The following FUBP3 variants were observed in gnomAD, a reference collection of about 807,000 sequenced individuals.
The protein encoded by FUBP3 is far upstream element binding protein 3, also known as far upstream element-binding protein 3.
A neutral mutation model predicts 85.6 loss-of-function variants in FUBP3; 28 were observed. The ratio of observed to expected loss-of-function variants is 0.33; its 90% CI spans 0.24 to 0.45. The LOEUF (loss-of-function observed/expected upper bound fraction) is 0.45, where lower values mean the gene tolerates loss of function less well. Among genes scored for constraint, FUBP3 ranks in the 20% least tolerant of loss-of-function variants. The pLI is 1.00. For missense variants in FUBP3, 583 were observed against 755.1 expected (o/e 0.77, Z 2.67); for synonymous variants, 271 against 271.4 (o/e 1.00, Z 0.01).
chr9:130,615,979 TG>T (rs757180259), intron 6 of FUBP3, among the ~76,000 whole-genome samples: 19 of 152,154 alleles, frequency 1.2e-4, no homozygotes, highest in Non-Finnish European at 2.5e-4. Flanking sequence ...GTCTACTCTG[TG>T]AGAAGGGTCA....
Position 130,637,066 on chromosome 9 carries a change from A to T in FUBP3, c.*44A>T. On this transcript the variant is annotated 3_prime_UTR_variant, in exon 19 of 19. Coordinates refer to ENST00000319725, the MANE Select transcript of FUBP3 (RefSeq NM_003934.2). The stretch of plus-strand genomic sequence containing the variant: ...AACTCTCCCCTCAAAATCATTGTCA[A>T]AGAAAACCTATTTGTAACAGAGGTT... The T allele has an allele frequency of 6.5e-7, 1 of 1,547,030 alleles. No homozygotes were observed. Among genetic ancestry groups the T allele is most frequent in the Non-Finnish European group, 8.9e-7 (1 of 1,118,904 alleles).
At chr9:130,603,078 A>G (rs1372407) in intron 2 of FUBP3, among the ~76,000 whole-genome samples, 107,626 of 152,076 alleles carry the variant, frequency 0.71, 39,247 homozygotes, top group East Asian at 0.93. Context: ...TGGGCATGGT[A>G]GCTCACGCCT....
rs1355294135 is a variant in FUBP3, at chr9:130,626,479, A to T, written c.1091A>T (p.Asp364Val). The change falls in exon 12 of 19, where the codon GAT becomes GTT. Residue 364 changes from aspartate to valine, a missense_variant. Physicochemically the swap from Asp to Val is radical, Grantham distance 152. Around this residue, in one of 3 missense-constraint regions of FUBP3, gnomAD observed 404 missense variants for 516.8 expected, o/e 0.78. Transcript: ENST00000319725. ...VQEITYTVPA[D>V]KCGLVIGKGG... is the part of the protein sequence containing the mutation. ...GAGATAACATACACGGTGCCAGCCGATAAGTGTGGCCTCGTCATAGGCAAA... is the reference window on the plus strand; with the variant it reads ...GAGATAACATACACGGTGCCAGCCGTTAAGTGTGGCCTCGTCATAGGCAAA... 1.9e-6 allele frequency: 3 copies of T among 1,614,054 alleles called. No homozygotes were observed. The highest frequency in any genetic ancestry group is 2.7e-5 in the African/African-American group (2 of 74,920).
chr9:130,602,669 C>T (rs1831213624), intron 2 of FUBP3, among the ~76,000 whole-genome samples: 1 of 152,118 alleles, frequency 6.6e-6, no homozygotes, highest in Non-Finnish European at 1.5e-5. Flanking sequence ...AAGACCAAAA[C>T]CTAGTTCCTG....
intron 12 of FUBP3, among the ~76,000 whole-genome samples, chr9:130,627,090 G>A (rs1830008759): frequency 6.6e-6 from 1 of 152,216 alleles, no homozygotes; most frequent in Non-Finnish European, 1.5e-5. Context: ...CCTCATTCAT[G>A]GCTACTGTAG....
intron 16 of FUBP3, 32 bp from the exon 17 acceptor site, chr9:130,634,635 A>G: frequency 6.2e-7 from 1 of 1,600,474 alleles, no homozygotes; most frequent in Non-Finnish European, 8.5e-7. Flanking sequence ...AGGAGCCCGT[A>G]AGGCCTGACT....
chr9:130,589,705 A>ATATATTTTTTTTT (rs1414691549), intron 1 of FUBP3, among the ~76,000 whole-genome samples: 4 of 73,836 alleles, frequency 5.4e-5, no homozygotes, highest in African/African-American at 2.3e-4. Context: ...ATATATATAT[A>ATATATTTTTTTTT]TTTTTTTTTT....
chr9:130,609,825 C>T (rs1184270923), intron 2 of FUBP3, 129 bp from the exon 3 acceptor site: 10 of 727,434 alleles, frequency 1.4e-5, no homozygotes, highest in Non-Finnish European at 2.4e-5. Flanking sequence ...GCCACTGAGC[C>T]TAAATTACTG....
intron 17 of FUBP3, among the ~76,000 whole-genome samples, chr9:130,634,994 C>T (rs1031019337): frequency 6.6e-6 from 1 of 152,142 alleles, no homozygotes; most frequent in Non-Finnish European, 1.5e-5. Flanking sequence ...TGCTGGGCTC[C>T]AAAGGACTTG....
rs1195258190 is a variant in FUBP3, at chr9:130,587,072, GT to G, written c.84+7311del. On this transcript the variant is annotated intron_variant, in intron 1 of 18. Transcript: ENST00000319725. Reference sequence around the variant, plus strand: ...CGTTTTTTGTTTTTTTTTTTTGTTTGTTTGTTTTTTTGAGATGGAGTCTCAC... The same window carrying G: ...CGTTTTTTGTTTTTTTTTTTTGTTTGTTGTTTTTTTGAGATGGAGTCTCAC... Among the ~76,000 whole-genome samples, 471 of 96,370 alleles carry G rather than the reference GT, an allele frequency of 4.9e-3. 6 individuals are homozygous for G. Among genetic ancestry groups the G allele is most frequent in the African/African-American group, 0.02 (444 of 21,894 alleles). 63.2% of individuals were successfully genotyped at this position (96,370 alleles called of 152,430 possible).
intron 2 of FUBP3, among the ~76,000 whole-genome samples, chr9:130,600,121 C>CTCCCTCCCTCCCTCCCTCCT (rs1831081638): frequency 6.7e-6 from 1 of 149,342 alleles, no homozygotes. Context: ...CCCTCCCTCC[C>CTCCCTCCCTCCCTCCCTCCT]TCCCTCTTTC....
chr9:130,579,669 G>C lies in FUBP3; in HGVS notation c.-12G>C. 2 of 1,246,996 alleles carry C rather than the reference G, an allele frequency of 1.6e-6. No homozygotes were observed. Among genetic ancestry groups the C allele is most frequent in the Non-Finnish European group, 2.0e-6 (2 of 994,162 alleles). 77.2% of individuals were successfully genotyped at this position (1,246,996 alleles called of 1,614,324 possible). A position where few individuals can be genotyped will look rare whatever the true frequency, so the allele number is the denominator to read the frequency against. On this transcript the variant is annotated 5_prime_UTR_variant, in exon 1 of 19. Coordinates refer to ENST00000319725, the MANE Select transcript of FUBP3 (RefSeq NM_003934.2). ...GGCGTCGGCGGCGGCGGCGACGGCG[G>C]CGGGGGCGGTAATGGCGGAGCTGGT...
intron 2 of FUBP3, among the ~76,000 whole-genome samples, chr9:130,608,213 G>A (rs569148928): frequency 6.6e-6 from 1 of 152,268 alleles, no homozygotes; most frequent in South Asian, 2.1e-4. Context: ...AGAACCCACG[G>A]TGCGGCCTCA....
intron 2 of FUBP3, among the ~76,000 whole-genome samples, chr9:130,595,971 C>T (rs1028259619): frequency 6.6e-6 from 1 of 152,238 alleles, no homozygotes; most frequent in Non-Finnish European, 1.5e-5. Flanking sequence ...GCTGTGGCTA[C>T]ATCTTGACCT....
intron 12 of FUBP3, among the ~76,000 whole-genome samples, chr9:130,630,256 CCTGGCTGGGCGGGAGCCCCACAG>C (rs1415947557): frequency 6.6e-6 from 1 of 152,210 alleles, no homozygotes; most frequent in Non-Finnish European, 1.5e-5. Context: ...CAGTGCCATC[CCTGGCTGGGCGGGAGCCCCACAG>C]CTGGCCCCCA....
chr9:130,635,875 G>A lies in FUBP3; in HGVS notation c.1583-124G>A. ...CCTGCAACACCAGCCTCACCTCACTGCCTCCCAGACCTCCCTGCCTTCCAG... is the reference window on the plus strand; with the variant it reads ...CCTGCAACACCAGCCTCACCTCACTACCTCCCAGACCTCCCTGCCTTCCAG... On this transcript the variant is annotated intron_variant, in intron 17 of 18. Coordinates refer to ENST00000319725, the MANE Select transcript of FUBP3 (RefSeq NM_003934.2). This position sits in a 1 kb window ranked among gnomAD's most constrained non-coding sequence, Gnocchi z 4.3. The A allele has an allele frequency of 1.0e-6, 1 of 972,876 alleles. No homozygotes were observed. Among genetic ancestry groups the A allele is most frequent in the Non-Finnish European group, 1.5e-6 (1 of 650,592 alleles). 60.3% of individuals were successfully genotyped at this position (972,876 alleles called of 1,614,324 possible).
intron 12 of FUBP3, among the ~76,000 whole-genome samples, chr9:130,629,491 G>A (rs1229299536): frequency 6.6e-6 from 1 of 152,206 alleles, no homozygotes; most frequent in Non-Finnish European, 1.5e-5. Context: ...TTTCATTCCT[G>A]GACCTCTGTA....
At chr9:130,606,308 G>A (rs4740355) in intron 2 of FUBP3, among the ~76,000 whole-genome samples, 109,662 of 151,980 alleles carry the variant, frequency 0.72, 40,554 homozygotes, top group East Asian at 0.93. Flanking sequence ...CAGAGGAGGG[G>A]GGATTGTTTT....
rs771614602 is a variant in FUBP3 at position 130,614,333 on chromosome 9, C to T, written c.392C>T (p.Pro131Leu). 3 of 1,595,054 alleles carry T rather than the reference C, an allele frequency of 1.9e-6. No homozygotes were observed. The African/African-American group carries it at 4.0e-5, about 21-fold the overall frequency. The change falls in exon 6 of 19, where the codon CCA becomes CTA. Residue 131 changes from proline to leucine, a missense_variant. This residue lies in a region of FUBP3 where 177 missense variants were observed against 221.9 expected (regional missense o/e 0.80). Transcript: ENST00000319725. ...AGGCCCTGTGTACTTACCGGAACCC[C>T]AGAAAGTATTGAGTAAGTTTATTTT... Reference protein sequence around the residue: ...PERPCVLTGTPESIEQAKRLL... With the variant: ...PERPCVLTGTLESIEQAKRLL...
Sources: allele counts gnomAD v4.1 joint callset (sites outside exome capture counted in the v4.1 genomes callset), GRCh38; gene constraint gnomAD v4.1.1; regional missense constraint gnomAD v4.1.1; non-coding constraint Gnocchi (gnomAD v3.1); transcripts MANE v1.5; gene names NCBI Gene and HGNC (gene_info 2026-07-23, HGNC 2026-07-21).